Variants in DTNB observed in about 807,000 individuals in gnomAD.
DTNB encodes the protein DTN-B.
Under a neutral mutation model 90.7 loss-of-function variants are expected in DTNB, and 63 were observed. The ratio of observed to expected loss-of-function variants is 0.69; its 90% CI spans 0.57 to 0.86. The LOEUF is 0.86. DTNB is among the 40% of genes least tolerant of loss of function. The pLI, the probability that DTNB is intolerant of heterozygous loss-of-function variation, is 0.00. For synonymous variants in DTNB, 277 were observed against 286.7 expected, an observed-to-expected ratio of 0.97 and a Z score of 0.34; for missense variants, 744 against 807.1, an observed-to-expected ratio of 0.92 and a Z score of 0.95.
intron 11 of DTNB, among the ~76,000 whole-genome samples, chr2:25,452,788 A>C (rs888935329): frequency 1.3e-5 from 2 of 151,794 alleles, no homozygotes; most frequent in Admixed American, 1.3e-4. Context: ...TTTAAGCTTA[A>C]CTTAGTCTTT....
At chr2:25,530,910 T>C (rs1401835508) in intron 9 of DTNB, among the ~76,000 whole-genome samples, 1 of 152,230 alleles carries the variant, frequency 6.6e-6, no homozygotes, top group African/African-American at 2.4e-5. Context: ...CTCCCTACTT[T>C]GTTCTTTCTC....
intron 15 of DTNB, among the ~76,000 whole-genome samples, chr2:25,426,965 C>G (rs1215413031): frequency 6.6e-6 from 1 of 152,168 alleles, no homozygotes; most frequent in East Asian, 1.9e-4. Flanking sequence ...CACCTGAGGT[C>G]AGGAGTTTGA....
intron 9 of DTNB, among the ~76,000 whole-genome samples, chr2:25,499,582 AC>A (rs1473811657): frequency 6.6e-6 from 1 of 151,660 alleles, no homozygotes; most frequent in Non-Finnish European, 1.5e-5. Flanking sequence ...AAGTTTGAAA[AC>A]CCCTTTCCTG....
chr2:25,606,387 C>G (rs1361787629), intron 5 of DTNB, among the ~76,000 whole-genome samples: 1 of 152,130 alleles, frequency 6.6e-6, no homozygotes, highest in Admixed American at 6.6e-5. Context: ...GTGTCTCCTG[C>G]TACAGCACTA....
intron 3 of DTNB, among the ~76,000 whole-genome samples, chr2:25,629,303 C>T (rs772667400): frequency 2.0e-5 from 3 of 152,046 alleles, no homozygotes; most frequent in African/African-American, 2.4e-5. Flanking sequence ...TACTTTCCAA[C>T]GCTGAAAAAC....
chr2:25,388,415 G>A, intron 16 of DTNB, 54 bp from the exon 17 acceptor site: 1 of 1,539,416 alleles, frequency 6.5e-7, no homozygotes, highest in Non-Finnish European at 8.8e-7. Flanking sequence ...CCTCTTTGAG[G>A]AAGGAAGAAA....
intron 8 of DTNB, among the ~76,000 whole-genome samples, chr2:25,564,545 TA>T (rs1302086426): frequency 8.2e-5 from 11 of 133,404 alleles, no homozygotes; most frequent in Non-Finnish European, 1.4e-4. Context: ...CACACCTGGC[TA>T]ATTTTTTTTT....
intron 16 of DTNB, among the ~76,000 whole-genome samples, chr2:25,401,385 GA>G (rs958798727): frequency 6.6e-6 from 1 of 152,248 alleles, no homozygotes; most frequent in African/African-American, 2.4e-5. Flanking sequence ...GAAAATGCCA[GA>G]GAAGGTGCCC....
chr2:25,417,258 G>C (rs1310485145), intron 16 of DTNB, among the ~76,000 whole-genome samples: 1 of 152,162 alleles, frequency 6.6e-6, no homozygotes, highest in Admixed American at 6.5e-5. Flanking sequence ...TGGCTCATTA[G>C]AGGCAGGCTT....
At chr2:25,404,027 A>G (rs1375915625) in intron 16 of DTNB, among the ~76,000 whole-genome samples, 1 of 152,194 alleles carries the variant, frequency 6.6e-6, no homozygotes, top group Non-Finnish European at 1.5e-5. Flanking sequence ...CTTCATATGT[A>G]CAGTGGGGAT....
chr2:25,634,871 A>C (rs199922406), intron 3 of DTNB, among the ~76,000 whole-genome samples: 2 of 93,542 alleles, frequency 2.1e-5, no homozygotes, highest in East Asian at 7.0e-4. Flanking sequence ...TGCTCGTTAA[A>C]AGTCATCACC....
At chr2:25,474,744 A>G (rs1432544685) in intron 10 of DTNB, among the ~76,000 whole-genome samples, 1 of 152,206 alleles carries the variant, frequency 6.6e-6, no homozygotes, top group African/African-American at 2.4e-5. Context: ...TGAGTTGAGC[A>G]AGGCCACTGG....
chr2:25,413,924 C>T (rs531760411), intron 16 of DTNB, among the ~76,000 whole-genome samples: 2 of 152,366 alleles, frequency 1.3e-5, no homozygotes, highest in East Asian at 1.9e-4. Flanking sequence ...TATTTCTCCA[C>T]ATCCTCTCCA....
At chr2:25,644,095 CTT>C (rs913609387) in intron 2 of DTNB, among the ~76,000 whole-genome samples, 8 of 152,214 alleles carry the variant, frequency 5.3e-5, no homozygotes, top group African/African-American at 1.9e-4. Flanking sequence ...TAATCCACCT[CTT>C]GTTTAGCATA....
intron 9 of DTNB, among the ~76,000 whole-genome samples, chr2:25,494,908 G>GA (rs755779063): frequency 3.9e-3 from 529 of 134,332 alleles, no homozygotes; most frequent in African/African-American, 0.011. Context: ...ACTGTTGCCA[G>GA]AAAAAAAAAA....
chr2:25,601,815 G>C (rs944378886), intron 5 of DTNB, among the ~76,000 whole-genome samples: 2 of 152,102 alleles, frequency 1.3e-5, no homozygotes, highest in African/African-American at 4.8e-5. Flanking sequence ...GCATACTGTA[G>C]TTCGAAACTC....
In DTNB at chr2:25,628,198, A is replaced by C. The variant is rs1253403510; in HGVS notation, c.335T>G (p.Leu112Arg). Residue 112 changes from leucine (L) to arginine (R), a missense_variant, in exon 4 of 21, where the codon CTC becomes CGC. Coordinates refer to ENST00000406818, the MANE Select transcript of DTNB (RefSeq NM_021907.5). ...ISVEQSISLL[L>R]NFMIAAYDSE... ...GTCATATGCAGCAATCATAAAGTTG[A>C]GGAGGAGGCTGATAGATTGTTCCAC... 6.2e-7 allele frequency: 1 copy of C among 1,613,810 alleles called. No homozygotes were observed. Among genetic ancestry groups the C allele is most frequent in the Non-Finnish European group, 8.5e-7 (1 of 1,179,880 alleles).
chr2:25,503,005 G>T (rs1238916136), intron 9 of DTNB, among the ~76,000 whole-genome samples: 3 of 121,302 alleles, frequency 2.5e-5, no homozygotes, highest in Non-Finnish European at 3.2e-5. Context: ...AGTGAGCCAT[G>T]ATTGTGCCTC....
intron 16 of DTNB, among the ~76,000 whole-genome samples, chr2:25,411,493 C>T (rs1298118372): frequency 6.6e-6 from 1 of 152,188 alleles, no homozygotes; most frequent in Non-Finnish European, 1.5e-5. Flanking sequence ...TGAATACACC[C>T]TGCCAACTCT....
Sources: gnomAD v4.1 joint callset for allele counts (sites outside exome capture counted in the v4.1 genomes callset) on GRCh38, gnomAD v4.1.1 for gene constraint, MANE v1.5 for transcripts, NCBI Gene and HGNC (gene_info 2026-07-23, HGNC 2026-07-21) for gene names.